Variants in TMC4 observed in about 807,000 individuals in gnomAD.
The protein encoded by TMC4 is voltage-gated chloride channel TMC4.
Under a neutral mutation model 82.0 loss-of-function variants are expected in TMC4, and 70 were observed. That is an observed-to-expected ratio of 0.85 (90% CI 0.70 to 1.04). The LOEUF is 1.04. TMC4 is among the 50% of genes least tolerant of loss of function. The probability of loss-of-function intolerance (pLI) is 0.00; values close to 1 mark genes in which losing one functional copy is unlikely to be tolerated. For synonymous variants in TMC4, 446 were observed against 406.0 expected (o/e 1.10, Z -1.18); for missense variants, 879 against 899.0 (o/e 0.98, Z 0.28).
intron 9 of TMC4, 34 bp downstream of exon 9, chr19:54,162,999 C>G (rs749810252): frequency 6.2e-7 from 1 of 1,614,086 alleles, no homozygotes; most frequent in East Asian, 2.2e-5. Flanking sequence ...CTTCAGGGAC[C>G]CAAGAGTCCC....
intron 3 of TMC4, among the ~76,000 whole-genome samples, chr19:54,169,301 T>C (rs1047981715): frequency 1.3e-5 from 2 of 151,560 alleles, no homozygotes; most frequent in African/African-American, 2.4e-5. Flanking sequence ...TCCCAAACTG[T>C]TGGGATTACA....
chr19:54,162,108 C>G lies in TMC4; in HGVS notation c.1680G>C (p.Leu560=), dbSNP rs769717168. 7 of 1,611,850 alleles carry G rather than the reference C, an allele frequency of 4.3e-6. No homozygotes were observed. Among genetic ancestry groups the G allele is most frequent in the Non-Finnish European group, 5.9e-6 (7 of 1,178,966 alleles). The change falls in exon 11 of 15, where the codon CTG becomes CTC. Residue 560 remains leucine, a synonymous_variant. Transcript: ENST00000619895. ...GGTCCCCCCTACCCCTTACCTTCTTCAGGTAGAAAAGCAGCAGGAACTTGA... is the reference window on the plus strand; with the variant it reads ...GGTCCCCCCTACCCCTTACCTTCTTGAGGTAGAAAAGCAGCAGGAACTTGA... ...NTVKFLLLFY[L]KKLTLFSTCS...
intron 13 of TMC4, 134 bp from the exon 14 acceptor site, chr19:54,160,679 C>T (rs983017505): frequency 6.7e-7 from 1 of 1,487,336 alleles, no homozygotes; most frequent in African/African-American, 1.4e-5. Context: ...GTCTCCCAGC[C>T]CCTCCGCCTT....
chr19:54,164,021 C>T, intron 7 of TMC4, 134 bp from the exon 8 acceptor site: 2 of 1,002,722 alleles, frequency 2.0e-6, no homozygotes, highest in South Asian at 3.4e-5. Context: ...GTTACCCAGC[C>T]TAGAATGCAG....
At position 54,162,663 on chromosome 19, in the gene TMC4, G is replaced by A. The variant is rs1026532693; in HGVS notation, c.1502+10C>T. ...AGGGGCGGGGCCACAGCAAGGGGCGGGGCTCTCACTTTCTAGGAAACTGGA... is the reference window on the plus strand; with the variant it reads ...AGGGGCGGGGCCACAGCAAGGGGCGAGGCTCTCACTTTCTAGGAAACTGGA... On this transcript the variant is annotated intron_variant, in intron 10 of 14. Coordinates refer to ENST00000619895, the MANE Select transcript of TMC4 (RefSeq NM_144686.4). 1.2e-6 allele frequency: 2 copies of A among 1,609,978 alleles called. No individual in the cohort carries two copies. The highest frequency in any genetic ancestry group is 1.3e-5 in the African/African-American group (1 of 74,782).
chr19:54,167,110 A>T (rs565503032), intron 5 of TMC4, among the ~76,000 whole-genome samples: 64 of 150,802 alleles, frequency 4.2e-4, no homozygotes, highest in African/African-American at 1.5e-3. Context: ...TTAAAAAAAA[A>T]TTTTTAGCAA....
chr19:54,163,599 A>G, intron 8 of TMC4, 125 bp downstream of exon 8: 1 of 1,224,224 alleles, frequency 8.2e-7, no homozygotes, highest in Middle Eastern at 1.9e-4. Context: ...CCTGGCCAAC[A>G]GAGTCAGGAT....
intron 5 of TMC4, among the ~76,000 whole-genome samples, chr19:54,166,068 T>C (rs1007299655): frequency 2.0e-5 from 3 of 150,494 alleles, no homozygotes; most frequent in Non-Finnish European, 4.4e-5. Flanking sequence ...CCAGAGAAGA[T>C]GGCAGGTAAA....
Position 54,168,802 on chromosome 19 carries a change from CTTTTCTTTTCTTT to C in TMC4, c.443-135_443-123del, listed in dbSNP as rs2075778892. The C allele has an allele frequency of 6.1e-5, 2 of 32,928 alleles. 1 individual carries two copies. Among genetic ancestry groups the C allele is most frequent in the East Asian group, 2.3e-3 (2 of 880 alleles). The allele number at this position is 32,928 out of a possible 1,614,324, so 2.0% of individuals were successfully genotyped here. A position where few individuals can be genotyped will look rare whatever the true frequency, so the allele number is the denominator to read the frequency against. On this transcript the variant is annotated intron_variant, in intron 3 of 14. Transcript: ENST00000619895. ...TTCTTTCTTTTCTTTTCTTTCTTTT[CTTTTCTTTTCTTT>C]TCTTTTCTTTTCTTTTCTTTTCTTT...
At chr19:54,164,745 G>C in intron 6 of TMC4, 144 bp from the exon 7 acceptor site, 2 of 1,095,814 alleles carry the variant, frequency 1.8e-6, no homozygotes, top group South Asian at 1.5e-5. Context: ...TGCAGTCCTG[G>C]TTCCACCTGC....
chr19:54,169,543 C>T lies in TMC4; in HGVS notation c.411G>A (p.Gln137=), dbSNP rs757189120. The change falls in exon 3 of 15, where the codon CAG becomes CAA. Residue 137 remains glutamine, a synonymous_variant. Transcript: ENST00000619895. ...EKTKEGLRSL[Q]PWAWTLKRIG... ...TCCTCTTCAGTGTCCACGCCCAGGG[C>T]TGCAGGCTTCGCAAGCCTTCCTTTG... is the stretch of plus-strand genomic sequence containing the variant. 1 of 1,613,724 alleles carries T rather than the reference C, an allele frequency of 6.2e-7. No homozygotes were observed. The highest frequency in any genetic ancestry group is 8.5e-7 in the Non-Finnish European group (1 of 1,179,998).
Position 54,169,700 on chromosome 19 carries a change from C to G in TMC4, c.294-40G>C, listed in dbSNP as rs374168119. ...GGCAGAAAATGAGGGGTTTCGCAGC[C>G]CCAGACTGGGAACCATCTGAATGTA... On this transcript the variant is annotated intron_variant, in intron 2 of 14. Coordinates refer to ENST00000619895, the MANE Select transcript of TMC4 (RefSeq NM_144686.4). 1.9e-6 allele frequency: 3 copies of G among 1,605,902 alleles called. No homozygotes were observed. The African/African-American group carries it at 4.0e-5, about 22-fold the overall frequency.
chr19:54,163,559 G>A, intron 8 of TMC4, 165 bp downstream of exon 8: 2 of 833,274 alleles, frequency 2.4e-6, no homozygotes, highest in East Asian at 2.5e-5. Flanking sequence ...GCCTCCCAAA[G>A]TGCTGGGATT....
Position 54,162,037 on chromosome 19 carries a change from T to A in TMC4, c.1686+65A>T, listed in dbSNP as rs1225608291. On this transcript the variant is annotated intron_variant, in intron 11 of 14. Coordinates refer to ENST00000619895, the MANE Select transcript of TMC4 (RefSeq NM_144686.4). ...CAGGCCCCCAGGATCTTCCTTGCCC[T>A]TGACCCAGGAGTGCGGGCCCCAATA... is the stretch of plus-strand genomic sequence containing the variant. 2.8e-6 allele frequency: 4 copies of A among 1,435,112 alleles called. No homozygotes were observed. The African/African-American group carries it at 5.8e-5, about 21-fold the overall frequency. The allele number at this position is 1,435,112 out of a possible 1,614,324, so 88.9% of individuals were successfully genotyped here.
Position 54,169,670 on chromosome 19 carries a change from A to T in TMC4, c.294-10T>A. ...GCTGGCATTTCTTTGCCTGGGAGGGAAACAGGCAGAAAATGAGGGGTTTCG... is the reference window on the plus strand; with the variant it reads ...GCTGGCATTTCTTTGCCTGGGAGGGTAACAGGCAGAAAATGAGGGGTTTCG... On this transcript the variant is annotated splice_polypyrimidine_tract_variant and intron_variant, in intron 2 of 14. Coordinates refer to ENST00000619895, the MANE Select transcript of TMC4 (RefSeq NM_144686.4). 1.2e-6 allele frequency: 2 copies of T among 1,612,708 alleles called. No homozygotes were observed. Among genetic ancestry groups the T allele is most frequent in the Non-Finnish European group, 1.7e-6 (2 of 1,179,672 alleles).
Position 54,165,348 on chromosome 19 carries a change from G to T in TMC4, c.945+71C>A, listed in dbSNP as rs549696458. The T allele has an allele frequency of 2.7e-6, 4 of 1,473,734 alleles. No individual in the cohort carries two copies. In the South Asian group the frequency reaches 4.0e-5, roughly 15 times the overall value. The allele number at this position is 1,473,734 out of a possible 1,614,324, so 91.3% of individuals were successfully genotyped here. A position where few individuals can be genotyped will look rare whatever the true frequency, so the allele number is the denominator to read the frequency against. On this transcript the variant is annotated intron_variant, in intron 6 of 14. Transcript: ENST00000619895. ...TCCGGAGGCCCCATCACCGAGTTAG[G>T]CCCTGTGCGTTATCTCAGCCCGGTC...
At chr19:54,172,857 C>G in intron 1 of TMC4, 182 bp downstream of exon 1, 1 of 601,952 alleles carries the variant, frequency 1.7e-6, no homozygotes, top group South Asian at 2.2e-5. Context: ...TCTCCAGGCT[C>G]CTCCTCCTCA....
rs2075752327 is a variant in TMC4, at chr19:54,168,230, G to A, written c.738C>T (p.Val246=). 6.3e-7 allele frequency: 1 copy of A among 1,586,028 alleles called. No individual in the cohort carries two copies. The highest frequency in any genetic ancestry group is 8.6e-7 in the Non-Finnish European group (1 of 1,165,812). Residue 246 remains valine, a synonymous_variant, in exon 5 of 15, where the codon GTC becomes GTT. Transcript: ENST00000619895. ...GFYPPRPRLA[V]TYLCWAFAVG... ...CGGCAAAGGCCCAGCACAGGTAGGT[G>A]ACCGCCAGGCGTGGGCGGGGCGGGT...
chr19:54,161,113 G>A lies in TMC4; in HGVS notation c.1817+17C>T, dbSNP rs2146859608. 1 of 1,588,992 alleles carries A rather than the reference G, an allele frequency of 6.3e-7. No individual in the cohort carries two copies. The highest frequency in any genetic ancestry group is 8.6e-7 in the Non-Finnish European group (1 of 1,167,250). ...GGGAGAGAGGGAGGGAGAGAGGCGG[G>A]AGCCTCTCGCACTTACAGGAAGATG... On this transcript the variant is annotated intron_variant, in intron 12 of 14. Transcript: ENST00000619895.
Sources: gnomAD v4.1 joint callset for allele counts (sites outside exome capture counted in the v4.1 genomes callset) on GRCh38, gnomAD v4.1.1 for gene constraint, MANE v1.5 for transcripts, NCBI Gene and HGNC (gene_info 2026-07-23, HGNC 2026-07-21) for gene names.